Variants in SLC25A29 observed in about 807,000 individuals in gnomAD.
SLC25A29 encodes mitochondrial basic amino acids transporter.
In SLC25A29, 13 loss-of-function variants were observed where a neutral mutation model predicts 10.0. The observed-to-expected ratio is 1.30, with a 90% CI of 0.85 to 2.07. SLC25A29 has a LOEUF of 2.07. Among genes scored for constraint, SLC25A29 ranks in the 30% most tolerant of loss-of-function variants. The pLI is 0.00. For synonymous variants in SLC25A29, 244 were observed against 221.1 expected, an observed-to-expected ratio of 1.10 and a Z score of -0.92; for missense variants, 475 against 447.6, an observed-to-expected ratio of 1.06 and a Z score of -0.55.
intron 2 of SLC25A29, chr14:100,295,493 A>C (rs1472990280): frequency 2.0e-5 from 21 of 1,065,538 alleles, no homozygotes; most frequent in Non-Finnish European, 2.5e-5. Context: ...CCCCCACCCC[A>C]GGACCTGTGC....
chr14:100,306,274 C>CCCT lies in SLC25A29; in HGVS notation c.-45_-43dup, dbSNP rs765856490. ...AGGCCGCCTTTCCTCCTCGTCCTCC[C>CCCT]CCTGAGGCCCCTCGCCGGGCTGGGC... On this transcript the variant is annotated 5_prime_UTR_variant, in exon 1 of 4. Coordinates refer to ENST00000359232, the MANE Select transcript of SLC25A29 (RefSeq NM_001039355.3). The CCCT allele has an allele frequency of 5.0e-6, 7 of 1,390,658 alleles. No individual in the cohort carries two copies. In the Admixed American group the frequency reaches 2.1e-4, roughly 42 times the overall value. The allele number at this position is 1,390,658 out of a possible 1,614,324, so 86.1% of individuals were successfully genotyped here.
At chr14:100,288,150 A>AGGC (rs1882740200), downstream of SLC25A29, among the ~76,000 whole-genome samples, 1 of 152,080 alleles carries the variant, frequency 6.6e-6, no homozygotes, top group African/African-American at 2.4e-5. Flanking sequence ...TGGGAGGCTG[A>AGGC]GGCGGCGGAT....
At position 100,306,390 on chromosome 14, in the gene SLC25A29, G is replaced by A; in HGVS notation, c.-158C>T. On this transcript the variant is annotated 5_prime_UTR_variant, in exon 1 of 4. Transcript: ENST00000359232. Reference sequence around the variant, plus strand: ...CGGGCAGGCGCGGTCAGGGATGGTGGGGATGGCGGCAGCAGCTAGACCCGC... The same window carrying A: ...CGGGCAGGCGCGGTCAGGGATGGTGAGGATGGCGGCAGCAGCTAGACCCGC... The A allele has an allele frequency of 1.6e-6, 1 of 622,584 alleles. No individual in the cohort carries two copies. Among genetic ancestry groups the A allele is most frequent in the Non-Finnish European group, 2.3e-6 (1 of 438,138 alleles). 38.6% of individuals were successfully genotyped at this position (622,584 alleles called of 1,614,324 possible).
At chr14:100,303,724 A>ACTGT (rs1595373951) in intron 1 of SLC25A29, among the ~76,000 whole-genome samples, 3 of 150,210 alleles carry the variant, frequency 2.0e-5, no homozygotes. Context: ...TCCAAAGCCT[A>ACTGT]CTGTCTACTG....
Position 100,292,020 on chromosome 14 carries a change from A to AAT in SLC25A29, c.*262_*263insAT, listed in dbSNP as rs1891732454. 3 of 498,302 alleles carry AAT rather than the reference A, an allele frequency of 6.0e-6. No homozygotes were observed. The highest frequency in any genetic ancestry group is 1.1e-5 in the Non-Finnish European group (3 of 280,360). 30.9% of individuals were successfully genotyped at this position (498,302 alleles called of 1,614,324 possible). On this transcript the variant is annotated 3_prime_UTR_variant, in exon 4 of 4. Coordinates refer to ENST00000359232, the MANE Select transcript of SLC25A29 (RefSeq NM_001039355.3). The stretch of plus-strand genomic sequence containing the variant: ...ACGGTGCAATGGCCTCAGCCAGGCC[A>AAT]GGTGCTGGCTGCTGCTGGGAATAAT...
At chr14:100,297,206 C>G (rs948854950) in intron 2 of SLC25A29, among the ~76,000 whole-genome samples, 1 of 152,222 alleles carries the variant, frequency 6.6e-6, no homozygotes, top group Non-Finnish European at 1.5e-5. Flanking sequence ...ACAAAAGGAT[C>G]ACATATAGAT....
chr14:100,292,371 T>C lies in SLC25A29; in HGVS notation c.824A>G (p.Tyr275Cys). Reference protein sequence around the residue: ...TFATVTVVLTYARGEEAGPEG... With the variant: ...TFATVTVVLTCARGEEAGPEG... ...GGGCCCGGCCTCCTCGCCGCGCGCG[T>C]AGGTGAGCACCACCGTGACGGTGGC... The change falls in exon 4 of 4, where the codon TAC (tyrosine) becomes TGC (cysteine). Residue 275 changes from tyrosine (Y) to cysteine (C), a missense_variant. Coordinates refer to ENST00000359232, the MANE Select transcript of SLC25A29 (RefSeq NM_001039355.3). 6.5e-7 allele frequency: 1 copy of C among 1,538,430 alleles called. No homozygotes were observed. Among genetic ancestry groups the C allele is most frequent in the Non-Finnish European group, 8.7e-7 (1 of 1,147,004 alleles).
rs891085768 is a variant in SLC25A29, at chr14:100,292,385, C to T, written c.810G>A (p.Thr270=). The T allele has an allele frequency of 6.4e-7, 1 of 1,561,104 alleles. No individual in the cohort carries two copies. The highest frequency in any genetic ancestry group is 1.3e-5 in the African/African-American group (1 of 74,084). ...PVNAATFATV[T]VVLTYARGEE... is the part of the protein sequence containing the mutation. ...CGCCGCGCGCGTAGGTGAGCACCACCGTGACGGTGGCGAAGGTGGCAGCGT... is the reference window on the plus strand; with the variant it reads ...CGCCGCGCGCGTAGGTGAGCACCACTGTGACGGTGGCGAAGGTGGCAGCGT... The change falls in exon 4 of 4, where the codon ACG becomes ACA. Residue 270 remains threonine, a synonymous_variant. Coordinates refer to ENST00000359232, the MANE Select transcript of SLC25A29 (RefSeq NM_001039355.3).
the SLC25A29 span, chr14:100,279,362 G>A: frequency 3.9e-5 from 6 of 152,162 alleles, no homozygotes; most frequent in Non-Finnish European, 5.9e-5. Flanking sequence ...CTTCTCCATC[G>A]GTCCTGTACA....
At chr14:100,285,236 G>A in the SLC25A29 span, among the ~76,000 whole-genome samples, 1 of 151,894 alleles carries the variant, frequency 6.6e-6, no homozygotes, top group Non-Finnish European at 1.5e-5. Flanking sequence ...CACTTAGCGC[G>A]GGCAGCCCTG....
chr14:100,284,431 CT>C, the SLC25A29 span, among the ~76,000 whole-genome samples: 2 of 152,194 alleles, frequency 1.3e-5, no homozygotes, highest in African/African-American at 4.8e-5. Flanking sequence ...CCCACACGGC[CT>C]TTCTGCTAAC....
rs1467014153 is a variant in SLC25A29, at chr14:100,292,508, G to A, written c.687C>T (p.Arg229=). ...TCTGGTGCACGCAGTCCAGGATGCC[G>A]CGGTAGCGCGGGGCGCCCCGCAGTC... ...ADGLRGAPRY[R]GILDCVHQSY... is the part of the protein sequence containing the mutation. Residue 229 remains arginine (R), a synonymous_variant, in exon 4 of 4, where the codon CGC becomes CGT. Transcript: ENST00000359232. 1 of 1,588,624 alleles carries A rather than the reference G, an allele frequency of 6.3e-7. No individual in the cohort carries two copies. The highest frequency in any genetic ancestry group is 8.6e-7 in the Non-Finnish European group (1 of 1,169,354).
chr14:100,296,795 T>C (rs1490009595), intron 2 of SLC25A29, among the ~76,000 whole-genome samples: 1 of 152,158 alleles, frequency 6.6e-6, no homozygotes, highest in Non-Finnish European at 1.5e-5. Context: ...AGACAGAGTT[T>C]CACCGTGTTA....
chr14:100,279,879 G>A, the SLC25A29 span: 6 of 152,380 alleles, frequency 3.9e-5, no homozygotes, highest in African/African-American at 1.4e-4. Flanking sequence ...CGAGAGCCAT[G>A]CCATGGCCTG....
intron 1 of SLC25A29, among the ~76,000 whole-genome samples, chr14:100,305,966 A>T (rs1043514780): frequency 8.6e-5 from 13 of 152,004 alleles, no homozygotes; most frequent in Admixed American, 6.5e-4. Flanking sequence ...GGCGCCCCAG[A>T]CCTCCCGTCC....
chr14:100,301,731 C>G (rs949015199), intron 1 of SLC25A29, among the ~76,000 whole-genome samples: 9 of 145,536 alleles, frequency 6.2e-5, no homozygotes, highest in African/African-American at 1.5e-4. Flanking sequence ...AGGATGGTCT[C>G]GATCTCCTGA....
intron 3 of SLC25A29, 44 bp downstream of exon 3, chr14:100,293,250 C>T: frequency 6.3e-7 from 1 of 1,597,744 alleles, no homozygotes; most frequent in East Asian, 2.2e-5. Context: ...GAAGCTAGTT[C>T]CCCATCCTGT....
chr14:100,280,433 T>G, the SLC25A29 span: 4 of 152,162 alleles, frequency 2.6e-5, no homozygotes, highest in Non-Finnish European at 5.9e-5. Flanking sequence ...TTCTTATTAT[T>G]TCCCCCTTTT....
chr14:100,297,448 G>A (rs951576761), intron 2 of SLC25A29, among the ~76,000 whole-genome samples: 2 of 152,224 alleles, frequency 1.3e-5, no homozygotes, highest in African/African-American at 4.8e-5. Flanking sequence ...GAGAGCCCAG[G>A]CCTCCACGGA....
Sources: allele counts gnomAD v4.1 joint callset (sites outside exome capture counted in the v4.1 genomes callset), GRCh38; gene constraint gnomAD v4.1.1; transcripts MANE v1.5; gene names NCBI Gene and HGNC (gene_info 2026-07-23, HGNC 2026-07-21).